CLSPN: variants seen among roughly 807,000 people sequenced by gnomAD.
CLSPN encodes claspin homolog.
Under a neutral mutation model 156.3 loss-of-function variants are expected in CLSPN, and 85 were observed. The observed-to-expected ratio is 0.54, with a 90% CI of 0.46 to 0.65. The LOEUF (loss-of-function observed/expected upper bound fraction) is 0.65. Ranked by LOEUF, CLSPN falls within the 30% of genes least tolerant of loss-of-function variation. The pLI, the probability that CLSPN is intolerant of heterozygous loss-of-function variation, is 0.00. For synonymous variants in CLSPN, 534 were observed against 542.4 expected (o/e 0.98, Z 0.22); for missense variants, 1,407 against 1,554.9 (o/e 0.90, Z 1.60).
At chr1:35,727,439 C>G (rs983212210), downstream of CLSPN, among the ~76,000 whole-genome samples, 1 of 152,180 alleles carries the variant, frequency 6.6e-6, no homozygotes, top group African/African-American at 2.4e-5. Context: ...TGAGGCAATT[C>G]CCACCCTGGA....
intron 1 of CLSPN, 92 bp downstream of exon 1, chr1:35,769,755 C>A (rs1642802756): frequency 3.2e-6 from 4 of 1,255,146 alleles, no homozygotes; most frequent in Middle Eastern, 2.3e-4. Context: ...CCCGCCCGGG[C>A]GCCTCGGGTC....
intron 16 of CLSPN, 25 bp downstream of exon 16, chr1:35,745,426 A>G (rs753109053): frequency 2.3e-5 from 35 of 1,530,682 alleles, no homozygotes; most frequent in Non-Finnish European, 2.8e-5. Context: ...AGGCCTTCCC[A>G]AATTCCCAGC....
chr1:35,720,898 T>G, exon 25 of CLSPN: 2 of 1,610,708 alleles, frequency 1.2e-6, no homozygotes, highest in Non-Finnish European at 1.7e-6. Flanking sequence ...AGCTTAACCA[T>G]GTGGGTCAAA....
At position 35,745,461 on chromosome 1, in the gene CLSPN, GA is replaced by G; in HGVS notation, c.2955del (p.Thr987GlnfsTer52). On this transcript the variant is annotated frameshift_variant, in exon 16 of 25. Transcript: ENST00000318121. LOFTEE classifies it high-confidence loss of function. Reference protein sequence around the residue: ...EEALALCSGSFPTDKEEEDEE... With the variant: ...EEALALCSGSXPTDKEEEDEE... ...CAATCTGAGACTTACTTGTCTGTGG[GA>G]AAAGAGCCTGAGCAAAGAGCAAGTG... 1 of 1,611,832 alleles carries G rather than the reference GA, an allele frequency of 6.2e-7. No homozygotes were observed. Among genetic ancestry groups the G allele is most frequent in the Non-Finnish European group, 8.5e-7 (1 of 1,178,152 alleles).
chr1:35,721,072 A>C, intron 24 of CLSPN: 1 of 874,462 alleles, frequency 1.1e-6, no homozygotes, highest in East Asian at 2.7e-5. Context: ...CTGCATCTAA[A>C]CTTATAGTTT....
In CLSPN at chr1:35,733,707, G is replaced by A. The variant is rs11264195; in HGVS notation, c.*2789C>T. ...ATCAAAGCTGTAACAGGCTGGGCAT[G>A]GTGGCTGAGCCTGTGACCCCAGCAT... On this transcript the variant is annotated 3_prime_UTR_variant, in exon 25 of 25. Coordinates refer to ENST00000318121, the MANE Select transcript of CLSPN (RefSeq NM_022111.4). 0.03 allele frequency: 29,795 copies of A among 985,130 alleles called. 3,500 individuals carry two copies. The East Asian group carries it at 0.71, about 23-fold the overall frequency. 61.0% of individuals were successfully genotyped at this position (985,130 alleles called of 1,614,324 possible). A position where few individuals can be genotyped will look rare whatever the true frequency, so the allele number is the denominator to read the frequency against.
In CLSPN at chr1:35,732,989, G is replaced by A; in HGVS notation, c.*3507C>T. ...TTTCTTTCTTTTTTTTTTTGAGAGGGAGTCTCACTCTGTCGCCCATGCTGG... is the reference window on the plus strand; with the variant it reads ...TTTCTTTCTTTTTTTTTTTGAGAGGAAGTCTCACTCTGTCGCCCATGCTGG... On this transcript the variant is annotated 3_prime_UTR_variant, in exon 25 of 25. Coordinates refer to ENST00000318121, the MANE Select transcript of CLSPN (RefSeq NM_022111.4). 1 of 968,514 alleles carries A rather than the reference G, an allele frequency of 1.0e-6. No individual in the cohort carries two copies. Among genetic ancestry groups the A allele is most frequent in the South Asian group, 4.8e-5 (1 of 20,960 alleles). 60.0% of individuals were successfully genotyped at this position (968,514 alleles called of 1,614,324 possible).
rs370615563 is a variant in CLSPN, at chr1:35,721,634, C to T, written c.3910-654G>A. ...AATTCCTGACCTCAAATGATCTGCCCGCCTTGACCTCCCAAAGTGCTGGGA... is the reference window on the plus strand; with the variant it reads ...AATTCCTGACCTCAAATGATCTGCCTGCCTTGACCTCCCAAAGTGCTGGGA... On this transcript the variant is annotated intron_variant, in intron 24 of 24. Transcript: ENST00000251195. 1.5e-4 allele frequency among the ~76,000 whole-genome samples: 23 copies of T among 152,112 alleles called. 2 individuals are homozygous for T. The East Asian group carries it at 1.6e-3, about 10-fold the overall frequency.
chr1:35,736,461 C>A lies in CLSPN; in HGVS notation c.*35G>T. The A allele has an allele frequency of 6.5e-7, 1 of 1,542,194 alleles. No homozygotes were observed. ...TTTCAGTGCTAGAAACTTCTCAAAG[C>A]AGTCTCAATGTAGATTTTGGCACCT... is the stretch of plus-strand genomic sequence containing the variant. On this transcript the variant is annotated 3_prime_UTR_variant, in exon 25 of 25. Coordinates refer to ENST00000318121, the MANE Select transcript of CLSPN (RefSeq NM_022111.4).
At chr1:35,762,599 C>T (rs2148626415) in intron 4 of CLSPN, 118 bp from the exon 5 acceptor site, 2 of 720,412 alleles carry the variant, frequency 2.8e-6, no homozygotes, top group Admixed American at 4.6e-5. Flanking sequence ...AATCAATAAT[C>T]ATCAACTAGA....
At chr1:35,747,840 T>C in intron 14 of CLSPN, 67 bp downstream of exon 14, 1 of 1,476,080 alleles carries the variant, frequency 6.8e-7, no homozygotes, top group South Asian at 1.3e-5. Flanking sequence ...AGAAGCTCAC[T>C]TATTTTTAAA....
intron 1 of CLSPN, among the ~76,000 whole-genome samples, chr1:35,765,760 C>A (rs1642649945): frequency 6.6e-6 from 1 of 152,056 alleles, no homozygotes; most frequent in African/African-American, 2.4e-5. Flanking sequence ...GCTAACATCA[C>A]CAAAAGAGAA....
chr1:35,760,439 C>T lies in CLSPN; in HGVS notation c.1482G>A (p.Leu494=), dbSNP rs2148625133. 1 of 1,614,200 alleles carries T rather than the reference C, an allele frequency of 6.2e-7. No individual in the cohort carries two copies. Among genetic ancestry groups the T allele is most frequent in the Non-Finnish European group, 8.5e-7 (1 of 1,180,030 alleles). ...CTACTCCCAGTTGCTTAAGTCTATC[C>T]AGAGTAAACCGTCTCACTTTTTCAG... ...GPPEKVRRFT[L]DRLKQLGVDV... is the part of the protein sequence containing the mutation. Residue 494 remains leucine (L), a synonymous_variant, in exon 8 of 25, where the codon CTG becomes CTA. Transcript: ENST00000318121.
At chr1:35,728,780 A>T (rs572021350), downstream of CLSPN, among the ~76,000 whole-genome samples, 23 of 152,274 alleles carry the variant, frequency 1.5e-4, no homozygotes, top group African/African-American at 5.3e-4. Flanking sequence ...CCAGCAACCA[A>T]CATGAAGATT....
chr1:35,748,188 A>G, intron 13 of CLSPN, 127 bp from the exon 14 acceptor site: 1 of 1,100,676 alleles, frequency 9.1e-7, no homozygotes. Flanking sequence ...TGAGGGGGAC[A>G]ATACACAGCC....
intron 24 of CLSPN, among the ~76,000 whole-genome samples, chr1:35,721,716 C>T (rs913989216): frequency 6.6e-6 from 1 of 151,816 alleles, no homozygotes; most frequent in African/African-American, 2.4e-5. Flanking sequence ...CCTGCAATAC[C>T]CAGAATCTCA....
intron 16 of CLSPN, among the ~76,000 whole-genome samples, chr1:35,744,502 T>C (rs905108796): frequency 7.2e-5 from 11 of 152,184 alleles, no homozygotes; most frequent in Non-Finnish European, 2.9e-5. Context: ...TGCCATATTA[T>C]CCAGGCTGGT....
chr1:35,753,032 T>A (rs955031721), intron 9 of CLSPN, among the ~76,000 whole-genome samples: 3 of 152,202 alleles, frequency 2.0e-5, no homozygotes, highest in African/African-American at 7.2e-5. Context: ...CTGTCCTTAA[T>A]ACATTTCTAA....
At chr1:35,766,452 CT>C (rs201225830) in intron 1 of CLSPN, among the ~76,000 whole-genome samples, 5 of 150,884 alleles carry the variant, frequency 3.3e-5, no homozygotes, top group Non-Finnish European at 4.4e-5. Context: ...GTGTATATTT[CT>C]TTTTTTTTGA....
Sources: allele counts gnomAD v4.1 joint callset (sites outside exome capture counted in the v4.1 genomes callset), GRCh38; gene constraint gnomAD v4.1.1; transcripts MANE v1.5; gene names NCBI Gene and HGNC (gene_info 2026-07-23, HGNC 2026-07-21).